The following TGFBR2 variants were observed in gnomAD, a reference collection of about 807,000 sequenced individuals.
TGFBR2 encodes transforming growth factor beta receptor 2.
Under a neutral mutation model 49.0 loss-of-function variants are expected in TGFBR2, and 18 were observed. The ratio of observed to expected loss-of-function variants is 0.37; its 90% CI spans 0.25 to 0.54. The LOEUF is 0.54. Among genes scored for constraint, TGFBR2 ranks in the 20% least tolerant of loss-of-function variants. The pLI, the probability that TGFBR2 is intolerant of heterozygous loss-of-function variation, is 0.85. For synonymous variants in TGFBR2, 282 were observed against 275.9 expected, an observed-to-expected ratio of 1.02 and a Z score of -0.22; for missense variants, 525 against 722.6, an observed-to-expected ratio of 0.73 and a Z score of 3.13.
intron 3 of TGFBR2, among the ~76,000 whole-genome samples, chr3:30,666,510 G>A (rs554927550): frequency 7.9e-5 from 12 of 152,194 alleles, no homozygotes; most frequent in Admixed American, 7.8e-4. Flanking sequence ...CATTATACAA[G>A]AATTGCCAAT....
chr3:30,655,301 C>T (rs374491498), intron 3 of TGFBR2, among the ~76,000 whole-genome samples: 3 of 152,310 alleles, frequency 2.0e-5, no homozygotes, highest in African/African-American at 4.8e-5. Context: ...TGAGTGCTGA[C>T]TGTGGTGCAT....
At chr3:30,654,338 T>C (rs1004776187) in intron 3 of TGFBR2, among the ~76,000 whole-genome samples, 1 of 152,208 alleles carries the variant, frequency 6.6e-6, no homozygotes, top group African/African-American at 2.4e-5. Context: ...ATGAAAGAGT[T>C]AAAGAAACCT....
At chr3:30,690,922 T>C (rs567437671) in intron 6 of TGFBR2, among the ~76,000 whole-genome samples, 1 of 152,344 alleles carries the variant, frequency 6.6e-6, no homozygotes, top group Non-Finnish European at 1.5e-5. Context: ...TCATCAGTTA[T>C]AACAAATGTA....
chr3:30,691,425 C>A lies in TGFBR2; in HGVS notation c.1530C>A (p.Ile510=), dbSNP rs1455284208. ...IPSFWLNHQG[I]QMVCETLTEC... Reference sequence around the variant, plus strand: ...GGATCTCTTTCCCGCTACAGGGCATCCAGATGGTGTGTGAGACGTTGACTG... The same window carrying A: ...GGATCTCTTTCCCGCTACAGGGCATACAGATGGTGTGTGAGACGTTGACTG... Residue 510 remains isoleucine, a synonymous_variant, in exon 7 of 7, where the codon ATC becomes ATA. Coordinates refer to ENST00000295754, the MANE Select transcript of TGFBR2 (RefSeq NM_003242.6). 1.9e-6 allele frequency: 3 copies of A among 1,613,978 alleles called. No homozygotes were observed. The highest frequency in any genetic ancestry group is 3.3e-5 in the Admixed American group (2 of 60,022).
intron 5 of TGFBR2, among the ~76,000 whole-genome samples, chr3:30,680,596 G>A (rs1699522406): frequency 6.7e-6 from 1 of 150,130 alleles, no homozygotes; most frequent in Admixed American, 6.6e-5. Flanking sequence ...TGGGTGGGGT[G>A]GGTGGGATGA....
At chr3:30,663,844 A>G (rs1403634676) in intron 3 of TGFBR2, among the ~76,000 whole-genome samples, 1 of 152,036 alleles carries the variant, frequency 6.6e-6, no homozygotes, top group Non-Finnish European at 1.5e-5. Context: ...TTTATTTTGG[A>G]ATGAATTCTT....
chr3:30,669,453 C>T (rs1037426458), intron 3 of TGFBR2, among the ~76,000 whole-genome samples: 1 of 151,982 alleles, frequency 6.6e-6, no homozygotes, highest in African/African-American at 2.4e-5. Context: ...AAAGGAGTCT[C>T]CAAGCGGAAA....
chr3:30,646,602 T>G (rs902683611), intron 2 of TGFBR2, among the ~76,000 whole-genome samples: 17 of 152,186 alleles, frequency 1.1e-4, no homozygotes, highest in Non-Finnish European at 2.2e-4. Flanking sequence ...TTTAGACATT[T>G]TCACAATCAT....
chr3:30,671,579 C>G, intron 3 of TGFBR2, 59 bp from the exon 4 acceptor site: 1 of 1,570,882 alleles, frequency 6.4e-7, no homozygotes, highest in Non-Finnish European at 8.8e-7. Flanking sequence ...AACCCACTTC[C>G]TGACAGTACT....
intron 3 of TGFBR2, among the ~76,000 whole-genome samples, chr3:30,653,057 G>C (rs542140026): frequency 6.6e-6 from 1 of 152,090 alleles, no homozygotes; most frequent in Non-Finnish European, 1.5e-5. Context: ...CACAGCTGAC[G>C]ACTCAAATGT....
At chr3:30,614,833 T>C (rs934389448) in intron 1 of TGFBR2, among the ~76,000 whole-genome samples, 2 of 152,226 alleles carry the variant, frequency 1.3e-5, no homozygotes, top group Non-Finnish European at 1.5e-5. Flanking sequence ...AGATTCCTAA[T>C]TGTTATACTG....
chr3:30,681,184 G>A (rs1358031339), intron 5 of TGFBR2, among the ~76,000 whole-genome samples: 1 of 146,296 alleles, frequency 6.8e-6, no homozygotes, highest in Non-Finnish European at 1.5e-5. Context: ...AAAAAAAAGT[G>A]CAAATGAACC....
At chr3:30,607,915 A>G (rs921438951) in intron 1 of TGFBR2, among the ~76,000 whole-genome samples, 3 of 148,670 alleles carry the variant, frequency 2.0e-5, no homozygotes, top group Non-Finnish European at 4.5e-5. Flanking sequence ...TGTTATGGAA[A>G]GTGTAAAACC....
At chr3:30,655,270 C>T (rs1698973752) in intron 3 of TGFBR2, among the ~76,000 whole-genome samples, 3 of 152,188 alleles carry the variant, frequency 2.0e-5, no homozygotes, top group Admixed American at 2.0e-4. Context: ...TCGGTCTGTT[C>T]TAACACTGAA....
chr3:30,647,831 C>T (rs1171441148), intron 2 of TGFBR2, among the ~76,000 whole-genome samples: 1 of 152,152 alleles, frequency 6.6e-6, no homozygotes, highest in Middle Eastern at 3.4e-3. Context: ...TGCACACCAC[C>T]ATCACGTGGC....
intron 1 of TGFBR2, among the ~76,000 whole-genome samples, chr3:30,636,839 C>A (rs1009259397): frequency 6.6e-6 from 1 of 151,710 alleles, no homozygotes; most frequent in African/African-American, 2.4e-5. Flanking sequence ...CCAAGGTGGG[C>A]AGATCACGAG....
Position 30,673,277 on chromosome 3 carries a change from T to C in TGFBR2, c.1255-828T>C, listed in dbSNP as rs7641804. Among the ~76,000 whole-genome samples, 253 of 152,260 alleles carry C rather than the reference T, an allele frequency of 1.7e-3. 2 individuals are homozygous for C. The highest frequency in any genetic ancestry group is 5.8e-3 in the African/African-American group (241 of 41,546). On this transcript the variant is annotated intron_variant, in intron 4 of 6. Transcript: ENST00000295754. Reference sequence around the variant, plus strand: ...GAGAAGAAAAAAACTCTCTAATACATGCCAATAAGAAACATTCCTTGGAAT... The same window carrying C: ...GAGAAGAAAAAAACTCTCTAATACACGCCAATAAGAAACATTCCTTGGAAT...
intron 3 of TGFBR2, among the ~76,000 whole-genome samples, chr3:30,668,364 C>T (rs549523854): frequency 1.3e-5 from 2 of 152,096 alleles, no homozygotes; most frequent in South Asian, 4.1e-4. Flanking sequence ...GACACAGAGA[C>T]CGGAGACAAG....
chr3:30,623,231 A>G (rs2125453988), intron 1 of TGFBR2: 1 of 1,609,936 alleles, frequency 6.2e-7, no homozygotes, highest in East Asian at 2.2e-5. Flanking sequence ...AGATGAAATC[A>G]TCTGCCCCAG....
Sources: gnomAD v4.1 joint callset for allele counts (sites outside exome capture counted in the v4.1 genomes callset) on GRCh38, gnomAD v4.1.1 for gene constraint, MANE v1.5 for transcripts, NCBI Gene and HGNC (gene_info 2026-07-23, HGNC 2026-07-21) for gene names.